The following MAGI2 variants were observed in gnomAD, a reference collection of about 807,000 sequenced individuals.
The protein encoded by MAGI2 is membrane-associated guanylate kinase, WW and PDZ domain-containing protein 2.
Under a neutral mutation model 133.3 loss-of-function variants are expected in MAGI2, and 35 were observed. That is an observed-to-expected ratio of 0.26 (90% CI 0.20 to 0.35). MAGI2 has a LOEUF of 0.35. Among genes scored for constraint, MAGI2 ranks in the 10% least tolerant of loss-of-function variants. The pLI is 1.00. For synonymous variants in MAGI2, 729 were observed against 710.6 expected, an observed-to-expected ratio of 1.03 and a Z score of -0.41; for missense variants, 1,636 against 1,863.4, an observed-to-expected ratio of 0.88 and a Z score of 2.25.
intron 1 of MAGI2, among the ~76,000 whole-genome samples, chr7:79,092,682 C>A (rs1197664234): frequency 6.6e-6 from 1 of 152,166 alleles, no homozygotes; most frequent in Non-Finnish European, 1.5e-5. Context: ...ACAGATAGTA[C>A]ATAAACCAAT....
At chr7:78,427,483 A>G (rs779851587) in intron 6 of MAGI2, among the ~76,000 whole-genome samples, 19 of 152,258 alleles carry the variant, frequency 1.2e-4, no homozygotes, top group Middle Eastern at 3.4e-3. Context: ...ACTAGAGATA[A>G]TGAGGAATAT....
chr7:78,530,826 C>T (rs892417902), intron 3 of MAGI2, among the ~76,000 whole-genome samples: 7 of 152,066 alleles, frequency 4.6e-5, no homozygotes, highest in Admixed American at 1.3e-4. Flanking sequence ...AGAAACTAAA[C>T]TAAGATGTCA....
At chr7:78,785,655 A>C (rs535436526) in intron 2 of MAGI2, among the ~76,000 whole-genome samples, 37 of 152,202 alleles carry the variant, frequency 2.4e-4, no homozygotes, top group Admixed American at 3.9e-4. Context: ...GCTTTTGAGA[A>C]AGCCATACTA....
intron 2 of MAGI2, among the ~76,000 whole-genome samples, chr7:78,652,161 AC>A (rs1811645971): frequency 6.6e-6 from 1 of 152,178 alleles, no homozygotes; most frequent in South Asian, 2.1e-4. Flanking sequence ...GCAAATAGAC[AC>A]TGAAGGTTAG....
chr7:78,834,318 C>CAA (rs764939563), intron 2 of MAGI2, among the ~76,000 whole-genome samples: 24 of 152,138 alleles, frequency 1.6e-4, no homozygotes, highest in Non-Finnish European at 3.2e-4. Context: ...CTTCACCCCG[C>CAA]AAAAAGAAAC....
At chr7:79,214,990 C>T (rs549399277) in intron 1 of MAGI2, among the ~76,000 whole-genome samples, 67 of 149,726 alleles carry the variant, frequency 4.5e-4, no homozygotes, top group South Asian at 8.4e-4. Context: ...TACGTTTGTA[C>T]ACAAATATTT....
chr7:78,062,660 G>A (rs1813405133), intron 21 of MAGI2, among the ~76,000 whole-genome samples: 1 of 152,054 alleles, frequency 6.6e-6, no homozygotes. Context: ...GTATGCAGTG[G>A]GTGCTCTCTG....
chr7:78,417,746 T>C (rs1798431972), intron 6 of MAGI2, among the ~76,000 whole-genome samples: 1 of 152,152 alleles, frequency 6.6e-6, no homozygotes, highest in Non-Finnish European at 1.5e-5. Flanking sequence ...AGAAATAGGA[T>C]TCAATAGGTT....
intron 1 of MAGI2, among the ~76,000 whole-genome samples, chr7:79,215,940 GTGGGAATACAGGGAAATAC>G (rs1215418970): frequency 2.6e-5 from 4 of 151,654 alleles, no homozygotes; most frequent in African/African-American, 9.7e-5. Context: ...TGTGTATTCC[GTGGGAATACAGGGAAATAC>G]TGGGTAGAAG....
At chr7:78,199,055 C>G (rs576365069) in intron 11 of MAGI2, among the ~76,000 whole-genome samples, 1 of 152,224 alleles carries the variant, frequency 6.6e-6, no homozygotes, top group African/African-American at 2.4e-5. Context: ...TTATTCTGAC[C>G]CAAGATATCA....
intron 2 of MAGI2, among the ~76,000 whole-genome samples, chr7:78,774,367 A>G (rs945169978): frequency 3.9e-5 from 6 of 152,208 alleles, no homozygotes; most frequent in East Asian, 1.9e-4. Context: ...ACAAAAGGCA[A>G]TATCATAAAC....
intron 13 of MAGI2, among the ~76,000 whole-genome samples, chr7:78,179,903 G>A (rs995500991): frequency 1.3e-5 from 2 of 152,196 alleles, no homozygotes; most frequent in African/African-American, 4.8e-5. Context: ...ACATATTGGG[G>A]TGTGTGCTAA....
intron 6 of MAGI2, among the ~76,000 whole-genome samples, chr7:78,429,084 C>T (rs761219481): frequency 1.6e-4 from 24 of 152,052 alleles, no homozygotes; most frequent in South Asian, 4.1e-4. Context: ...AAATAAAAGA[C>T]GTGAACTTTA....
chr7:79,383,780 T>C (rs1336295472), intron 1 of MAGI2, among the ~76,000 whole-genome samples: 1 of 151,252 alleles, frequency 6.6e-6, no homozygotes, highest in Non-Finnish European at 1.5e-5. Context: ...AGCAAAATAA[T>C]AATCTGACTA....
At chr7:78,415,619 C>T (rs1178606701) in intron 6 of MAGI2, among the ~76,000 whole-genome samples, 2 of 152,030 alleles carry the variant, frequency 1.3e-5, no homozygotes, top group East Asian at 3.9e-4. Context: ...TGGAAAGAGG[C>T]ATTTCTGGCA....
intron 2 of MAGI2, among the ~76,000 whole-genome samples, chr7:78,773,581 A>G (rs1825755525): frequency 6.6e-6 from 1 of 152,268 alleles, no homozygotes; most frequent in South Asian, 2.1e-4. Context: ...ACAGGTACCC[A>G]TTAACATGTA....
chr7:79,388,843 T>TA (rs11321887), intron 1 of MAGI2, among the ~76,000 whole-genome samples: 2,820 of 141,826 alleles, frequency 0.02, 34 homozygotes, highest in Non-Finnish European at 0.029. Context: ...ATGTAGTCAT[T>TA]AAAAAAAAAA....
chr7:79,369,269 C>T (rs1032714206), intron 1 of MAGI2, among the ~76,000 whole-genome samples: 1 of 152,152 alleles, frequency 6.6e-6, no homozygotes, highest in Non-Finnish European at 1.5e-5. Flanking sequence ...AATTCTATTG[C>T]AGGTACCTAA....
chr7:78,903,333 A>C (rs955582684), intron 2 of MAGI2, among the ~76,000 whole-genome samples: 26 of 151,698 alleles, frequency 1.7e-4, no homozygotes, highest in Admixed American at 1.4e-3. Flanking sequence ...AGCTGGGACT[A>C]CAGGCGCCCG....
Sources: gnomAD v4.1 joint callset for allele counts (sites outside exome capture counted in the v4.1 genomes callset) on GRCh38, gnomAD v4.1.1 for gene constraint, MANE v1.5 for transcripts, NCBI Gene and HGNC (gene_info 2026-07-23, HGNC 2026-07-21) for gene names.